The following ADAM10 variants were observed in gnomAD, a reference collection of about 807,000 sequenced individuals.
The protein encoded by ADAM10 is disintegrin and metalloproteinase domain-containing protein 10.
ADAM10 carries 17 observed loss-of-function variants against 90.1 expected under a neutral mutation model. The ratio of observed to expected loss-of-function variants is 0.19; its 90% CI spans 0.13 to 0.28. ADAM10 has a LOEUF of 0.28. ADAM10 is among the 10% of genes least tolerant of loss of function. The probability of loss-of-function intolerance (pLI) is 1.00; values close to 1 mark genes in which losing one functional copy is unlikely to be tolerated. For synonymous variants in ADAM10, 310 were observed against 298.6 expected (o/e 1.04, Z -0.40); for missense variants, 610 against 914.3 (o/e 0.67, Z 4.29).
chr15:58,645,621 T>C (rs1310962122), intron 6 of ADAM10, among the ~76,000 whole-genome samples: 1 of 152,176 alleles, frequency 6.6e-6, no homozygotes, highest in East Asian at 1.9e-4. Context: ...GAAGGACATT[T>C]TGAAGGGCAC....
chr15:58,682,151 A>C, intron 3 of ADAM10, 45 bp downstream of exon 3: 1 of 1,188,382 alleles, frequency 8.4e-7, no homozygotes, highest in Non-Finnish European at 1.2e-6. Flanking sequence ...CTTTGTGTAG[A>C]AAAAAAAAAA....
At chr15:58,749,432 C>T (rs1467217681) in intron 1 of ADAM10, 48 bp downstream of exon 1, 5 of 1,503,596 alleles carry the variant, frequency 3.3e-6, no homozygotes, top group Non-Finnish European at 4.5e-6. Context: ...GCCCGGCCGC[C>T]GCTCCGCCGT....
At chr15:58,697,409 C>G (rs1338850788) in intron 2 of ADAM10, among the ~76,000 whole-genome samples, 1 of 152,154 alleles carries the variant, frequency 6.6e-6, no homozygotes, top group African/African-American at 2.4e-5. Context: ...CTACCACAGC[C>G]AACACCCACA....
intron 1 of ADAM10, among the ~76,000 whole-genome samples, chr15:58,721,071 T>A (rs1434810244): frequency 6.6e-6 from 1 of 152,242 alleles, no homozygotes; most frequent in East Asian, 1.9e-4. Flanking sequence ...TCACTTTTGA[T>A]AACTTAAAAC....
At chr15:58,724,993 C>T (rs570167905) in intron 1 of ADAM10, among the ~76,000 whole-genome samples, 31 of 151,146 alleles carry the variant, frequency 2.1e-4, no homozygotes, top group African/African-American at 6.1e-4. Context: ...GAGTTCAAGA[C>T]GAGCCTGGGC....
chr15:58,610,139 AATAAT>A (rs1895398644), intron 14 of ADAM10, 153 bp downstream of exon 14: 1 of 720,710 alleles, frequency 1.4e-6, no homozygotes, highest in Admixed American at 2.1e-5. Context: ...TTCAGAAGGA[AATAAT>A]AACCAGAAAT....
chr15:58,711,185 T>A (rs1308249806), intron 2 of ADAM10, among the ~76,000 whole-genome samples: 1 of 152,206 alleles, frequency 6.6e-6, no homozygotes, highest in East Asian at 1.9e-4. Context: ...TCCAAACAAT[T>A]ATATTGCACT....
intron 10 of ADAM10, among the ~76,000 whole-genome samples, chr15:58,624,830 G>A (rs983766479): frequency 3.3e-5 from 5 of 152,116 alleles, no homozygotes; most frequent in African/African-American, 9.7e-5. Context: ...ACTCTGTCTG[G>A]CCTAAAAATA....
chr15:58,722,313 G>C (rs1236756338), intron 1 of ADAM10, among the ~76,000 whole-genome samples: 2 of 152,032 alleles, frequency 1.3e-5, no homozygotes, highest in Non-Finnish European at 2.9e-5. Flanking sequence ...CTGCACTTCA[G>C]CCTGGGCAAG....
At chr15:58,679,528 GAAAAA>G (rs1395433264) in intron 3 of ADAM10, among the ~76,000 whole-genome samples, 3 of 152,114 alleles carry the variant, frequency 2.0e-5, no homozygotes, top group African/African-American at 7.2e-5. Flanking sequence ...TAACAGCAAT[GAAAAA>G]TAGAGTATCT....
intron 9 of ADAM10, chr15:58,629,428 A>C (rs1896038074): frequency 6.6e-6 from 1 of 152,228 alleles, no homozygotes; most frequent in Admixed American, 6.5e-5. Flanking sequence ...GGTTGTAAGC[A>C]AGCATGCCAG....
At chr15:58,727,390 C>G (rs548887380) in intron 1 of ADAM10, among the ~76,000 whole-genome samples, 1 of 151,982 alleles carries the variant, frequency 6.6e-6, no homozygotes, top group African/African-American at 2.4e-5. Context: ...AGGGTTTTGC[C>G]ATGTTGGCCA....
chr15:58,718,705 A>G (rs114437842), intron 1 of ADAM10, among the ~76,000 whole-genome samples: 114 of 152,220 alleles, frequency 7.5e-4, no homozygotes, highest in African/African-American at 2.5e-3. Context: ...TTTTGGGATG[A>G]TTCTTTAGCC....
At chr15:58,650,154 T>A (rs1307613823) in intron 5 of ADAM10, among the ~76,000 whole-genome samples, 2 of 152,210 alleles carry the variant, frequency 1.3e-5, no homozygotes, top group Non-Finnish European at 2.9e-5. Flanking sequence ...AAAGTCTGTG[T>A]CAGATAATTT....
At position 58,612,038 on chromosome 15, in the gene ADAM10, C is replaced by T. The variant is rs8039791; in HGVS notation, c.1512-47G>A. 287,281 of 1,533,886 alleles carry T rather than the reference C, an allele frequency of 0.19. 35,399 individuals are homozygous for T. Among genetic ancestry groups the T allele is most frequent in the African/African-American group, 0.53 (38,549 of 72,844 alleles). ...TAAACAAAGTAAATCACTAGTTATT[C>T]CCTATATACTATTAGATATTAGATT... On this transcript the variant is annotated intron_variant, in intron 11 of 15. Transcript: ENST00000260408.
chr15:58,599,445 C>G (rs906254130), intron 15 of ADAM10, among the ~76,000 whole-genome samples, 153 bp downstream of exon 15: 3 of 152,016 alleles, frequency 2.0e-5, no homozygotes, highest in Admixed American at 6.6e-5. Context: ...TGACAAAAAG[C>G]ACACAAATAT....
intron 2 of ADAM10, among the ~76,000 whole-genome samples, chr15:58,708,943 G>A (rs1261119670): frequency 2.0e-5 from 3 of 152,138 alleles, no homozygotes; most frequent in Non-Finnish European, 4.4e-5. Context: ...ATTAACTGAA[G>A]AATAAGTATT....
chr15:58,747,412 T>G (rs1371096074), intron 1 of ADAM10: 2 of 152,034 alleles, frequency 1.3e-5, no homozygotes, highest in East Asian at 3.9e-4. Flanking sequence ...TTAAGTTAAA[T>G]TTCCACCACA....
chr15:58,739,561 T>C (rs1479572532), intron 1 of ADAM10, among the ~76,000 whole-genome samples: 3 of 152,080 alleles, frequency 2.0e-5, no homozygotes, highest in Non-Finnish European at 4.4e-5. Flanking sequence ...AAAAAATAAA[T>C]TCTTAAATTT....
Sources: gnomAD v4.1 joint callset for allele counts (sites outside exome capture counted in the v4.1 genomes callset) on GRCh38, gnomAD v4.1.1 for gene constraint, MANE v1.5 for transcripts, NCBI Gene and HGNC (gene_info 2026-07-23, HGNC 2026-07-21) for gene names.